FRRS1: variants seen among roughly 807,000 people sequenced by gnomAD.
The protein encoded by FRRS1 is ferric reductase 1.
In FRRS1, 51 loss-of-function variants were observed where a neutral mutation model predicts 70.7. That is an observed-to-expected ratio of 0.72 (90% CI 0.58 to 0.91). The LOEUF (loss-of-function observed/expected upper bound fraction) is 0.91, where lower values mean the gene tolerates loss of function less well. Among genes scored for constraint, FRRS1 ranks in the 40% least tolerant of loss-of-function variants. The pLI is 0.00. For missense variants in FRRS1, 672 were observed against 726.0 expected (o/e 0.93, Z 0.86); for synonymous variants, 225 against 238.7 (o/e 0.94, Z 0.53).
chr1:99,756,823 T>A (rs1656858636), intron 1 of FRRS1, among the ~76,000 whole-genome samples: 1 of 152,184 alleles, frequency 6.6e-6, no homozygotes, highest in Non-Finnish European at 1.5e-5. Flanking sequence ...CTAGCTCTTG[T>A]TAGTCATTTA....
In FRRS1 at chr1:99,708,704, A is replaced by AT; in HGVS notation, c.*323dup. ...TATTATCCTAGTGACATCTGTTGTGATTTTCCAAATCACTATTTATTTTCT... is the reference window on the plus strand; with the variant it reads ...TATTATCCTAGTGACATCTGTTGTGATTTTTCCAAATCACTATTTATTTTCT... On this transcript the variant is annotated 3_prime_UTR_variant, in exon 17 of 17. Transcript: ENST00000646001. The AT allele has an allele frequency of 3.0e-6, 1 of 336,870 alleles. No individual in the cohort carries two copies. The highest frequency in any genetic ancestry group is 5.2e-6 in the Non-Finnish European group (1 of 192,380). The allele number at this position is 336,870 out of a possible 1,614,324, so 20.9% of individuals were successfully genotyped here.
chr1:99,734,460 G>A lies in FRRS1; in HGVS notation c.759+3626C>T, dbSNP rs1056070669. On this transcript the variant is annotated intron_variant, in intron 7 of 16. Transcript: ENST00000646001. ...CCACAAAAATCAACTTAGGTAGATA[G>A]AAATAGAAAGATAAAGTGGCAAATC... 1.3e-3 allele frequency among the ~76,000 whole-genome samples: 201 copies of A among 152,054 alleles called. 4 individuals carry two copies. The highest frequency in any genetic ancestry group is 4.6e-4 in the Non-Finnish European group (31 of 68,016).
intron 9 of FRRS1, among the ~76,000 whole-genome samples, chr1:99,721,443 A>T (rs1309390263): frequency 6.6e-6 from 1 of 151,960 alleles, no homozygotes; most frequent in Non-Finnish European, 1.5e-5. Flanking sequence ...AATATAGAAG[A>T]CCATTTTATA....
At chr1:99,731,434 T>G (rs533396296) in intron 7 of FRRS1, among the ~76,000 whole-genome samples, 4 of 152,352 alleles carry the variant, frequency 2.6e-5, no homozygotes, top group African/African-American at 9.6e-5. Flanking sequence ...AAAGTAATTA[T>G]GTACTGTTAC....
intron 1 of FRRS1, among the ~76,000 whole-genome samples, chr1:99,755,292 G>A (rs1002896629): frequency 6.6e-6 from 1 of 151,616 alleles, no homozygotes; most frequent in Non-Finnish European, 1.5e-5. Flanking sequence ...CAGGCACAGT[G>A]GCATGCCTGT....
intron 1 of FRRS1, among the ~76,000 whole-genome samples, chr1:99,755,702 C>T (rs1656798761): frequency 6.6e-6 from 1 of 152,188 alleles, no homozygotes; most frequent in African/African-American, 2.4e-5. Context: ...TTGCAAAATA[C>T]ACCAAGTGAA....
chr1:99,725,937 A>C (rs1655061586), intron 9 of FRRS1, among the ~76,000 whole-genome samples: 1 of 152,226 alleles, frequency 6.6e-6, no homozygotes, highest in Non-Finnish European at 1.5e-5. Flanking sequence ...TCCCCTAGCA[A>C]TTTAAGAAAT....
Position 99,738,242 on chromosome 1 carries a change from C to T in FRRS1, c.603G>A (p.Lys201=), listed in dbSNP as rs768624668. The change falls in exon 7 of 17, where the codon AAG becomes AAA. Residue 201 remains lysine, a synonymous_variant. Coordinates refer to ENST00000646001, the MANE Select transcript of FRRS1 (RefSeq NM_001361041.2). ...KPFSASDCGN[K]KFCIRSPLNC... The stretch of plus-strand genomic sequence containing the variant: ...TCAAAGGACTCCTAATACAGAACTT[C>T]TTGTTCCCACAATCTGAGGCACTGA... 13 of 1,605,720 alleles carry T rather than the reference C, an allele frequency of 8.1e-6. No individual in the cohort carries two copies. The highest frequency in any genetic ancestry group is 4.2e-6 in the Non-Finnish European group (5 of 1,177,288).
chr1:99,732,207 C>G (rs7518063), intron 7 of FRRS1, among the ~76,000 whole-genome samples: 4 of 151,930 alleles, frequency 2.6e-5, no homozygotes, highest in Non-Finnish European at 5.9e-5. Context: ...GAACGTGCTA[C>G]TCCAACCTCA....
At chr1:99,715,758 A>G (rs549108744) in intron 11 of FRRS1, 86 bp from the exon 12 acceptor site, 46 of 835,016 alleles carry the variant, frequency 5.5e-5, no homozygotes, top group South Asian at 5.2e-4. Context: ...GGAAAAGACT[A>G]TGGGGTAAGA....
At chr1:99,716,434 A>G (rs994611905) in intron 11 of FRRS1, among the ~76,000 whole-genome samples, 4 of 152,236 alleles carry the variant, frequency 2.6e-5, no homozygotes, top group African/African-American at 9.6e-5. Flanking sequence ...GAATATCCAC[A>G]TGAGCAGATG....
At chr1:99,710,752 C>A in intron 15 of FRRS1, 54 bp downstream of exon 15, 1 of 1,520,108 alleles carries the variant, frequency 6.6e-7, no homozygotes, top group Non-Finnish European at 9.0e-7. Flanking sequence ...GCATTCTTTT[C>A]CAATGGTTTG....
Position 99,705,355 on chromosome 1 carries a change from A to C in FRRS1, c.*3673T>G, listed in dbSNP as rs562174900. Among the ~76,000 whole-genome samples the C allele has an allele frequency of 4.6e-5, 7 of 152,238 alleles. No homozygotes were observed. The highest frequency in any genetic ancestry group is 7.3e-5 in the Non-Finnish European group (5 of 68,038). On this transcript the variant is annotated 3_prime_UTR_variant, in exon 17 of 17. Transcript: ENST00000646001. Reference sequence around the variant, plus strand: ...GGTAGGGGCTGCACAAGGAAGAAAGAAGCAGGATGTGGATAGGAACTGTGA... The same window carrying C: ...GGTAGGGGCTGCACAAGGAAGAAAGCAGCAGGATGTGGATAGGAACTGTGA...
chr1:99,740,795 GT>G lies in FRRS1; in HGVS notation c.573del (p.Lys191AsnfsTer19). 6.2e-7 allele frequency: 1 copy of G among 1,604,962 alleles called. No individual in the cohort carries two copies. The highest frequency in any genetic ancestry group is 8.5e-7 in the Non-Finnish European group (1 of 1,171,698). On this transcript the variant is annotated frameshift_variant, in exon 6 of 17. Transcript: ENST00000646001. LOFTEE classifies it high-confidence loss of function. ...GAGAAAATAAAATTGTTACTTACTG[GT>G]TTGGTTAAGTGGGAAACGGGAGGTA... ...PTLPPVSHLT[K>X]PFSASDCGNK...
In FRRS1 at chr1:99,729,735, GCAT is replaced by G; in HGVS notation, c.770_772del (p.Asp257del). The G allele has an allele frequency of 6.2e-7, 1 of 1,609,090 alleles. No individual in the cohort carries two copies. Among genetic ancestry groups the G allele is most frequent in the East Asian group, 2.2e-5 (1 of 44,808 alleles). ...CTGATCTTCATGAATACACAGATAA[GCAT>G]CATCATCACCCTGAAAAACAATTGC... On this transcript the variant is annotated inframe_deletion, in exon 8 of 17. Coordinates refer to ENST00000646001, the MANE Select transcript of FRRS1 (RefSeq NM_001361041.2).
intron 1 of FRRS1, among the ~76,000 whole-genome samples, chr1:99,766,093 C>T (rs1247636827): frequency 6.6e-6 from 1 of 152,006 alleles, no homozygotes; most frequent in Non-Finnish European, 1.5e-5. Flanking sequence ...AGTGATAACA[C>T]CTTGCCACCC....
In FRRS1 at chr1:99,728,588, G is replaced by T; in HGVS notation, c.911C>A (p.Ser304Tyr). 1 of 1,613,858 alleles carries T rather than the reference G, an allele frequency of 6.2e-7. No individual in the cohort carries two copies. The highest frequency in any genetic ancestry group is 8.5e-7 in the Non-Finnish European group (1 of 1,179,800). The change falls in exon 9 of 17, where the codon TCT becomes TAT. Residue 304 changes from serine (S) to tyrosine (Y), a missense_variant. Physicochemically the swap from Ser to Tyr is moderately radical, Grantham distance 144. Coordinates refer to ENST00000646001, the MANE Select transcript of FRRS1 (RefSeq NM_001361041.2). The stretch of plus-strand genomic sequence containing the variant: ...AGGAAGGGTAATGTTTCTTCTGAAA[G>T]AACACTGCATAACACCGTCCGCCAA... Reference protein sequence around the residue: ...WRLADGVMQCSFRRNITLPGV... With the variant: ...WRLADGVMQCYFRRNITLPGV...
intron 4 of FRRS1, 141 bp from the exon 5 acceptor site, chr1:99,742,414 A>G: frequency 3.4e-6 from 2 of 591,252 alleles, no homozygotes; most frequent in Non-Finnish European, 6.1e-6. Flanking sequence ...AGAAGGACTC[A>G]GGCACTCCAT....
intron 15 of FRRS1, among the ~76,000 whole-genome samples, chr1:99,709,547 C>T (rs1557681301): frequency 6.6e-6 from 1 of 152,148 alleles, no homozygotes; most frequent in Admixed American, 6.5e-5. Context: ...TTTTGATTGA[C>T]AAAATATTGT....
Sources: allele counts gnomAD v4.1 joint callset (sites outside exome capture counted in the v4.1 genomes callset), GRCh38; gene constraint gnomAD v4.1.1; transcripts MANE v1.5; gene names NCBI Gene and HGNC (gene_info 2026-07-23, HGNC 2026-07-21).